The following CEP72 variants were observed in gnomAD, a reference collection of about 807,000 sequenced individuals.
CEP72 encodes the protein centrosomal protein 72.
Under a neutral mutation model 65.7 loss-of-function variants are expected in CEP72, and 78 were observed. The observed-to-expected ratio is 1.19, with a 90% CI of 0.99 to 1.43. The LOEUF is 1.43. Among genes scored for constraint, CEP72 ranks in the 40% most tolerant of loss-of-function variants. The pLI, the probability that CEP72 is intolerant of heterozygous loss-of-function variation, is 0.00. For synonymous variants in CEP72, 358 were observed against 351.7 expected (o/e 1.02, Z -0.20); for missense variants, 914 against 832.9 (o/e 1.10, Z -1.20).
chr5:647,866 G>A lies in CEP72; in HGVS notation c.1728G>A (p.Glu576=), dbSNP rs1224422142. ...GEIVELKQHL[E]HYDKIQELTQ... The stretch of plus-strand genomic sequence containing the variant: ...TTGTGGAACTGAAGCAGCACCTGGA[G>A]CACTACGACAAGATCCAGGAGCTCA... The change falls in exon 11 of 12, where the codon GAG becomes GAA. Residue 576 remains glutamate (E), a synonymous_variant. Transcript: ENST00000264935. 6 of 1,612,576 alleles carry A rather than the reference G, an allele frequency of 3.7e-6. No homozygotes were observed. The highest frequency in any genetic ancestry group is 5.1e-6 in the Non-Finnish European group (6 of 1,179,946).
chr5:659,564 G>GTGGT (rs58223339), downstream of CEP72, among the ~76,000 whole-genome samples: 6,807 of 152,284 alleles, frequency 0.045, 489 homozygotes, highest in African/African-American at 0.15. Context: ...GGGGGCTCTG[G>GTGGT]TGGTGTTCAC....
downstream of CEP72, among the ~76,000 whole-genome samples, chr5:668,752 CG>C (rs1404009792): frequency 2.0e-5 from 3 of 152,232 alleles, no homozygotes; most frequent in East Asian, 5.8e-4. Flanking sequence ...CTGTTCTGCT[CG>C]TAGTCACCAA....
At chr5:644,096 C>A (rs761210150) in intron 9 of CEP72, 3 of 565,112 alleles carry the variant, frequency 5.3e-6, no homozygotes, top group African/African-American at 1.9e-5. Flanking sequence ...TCACTTCCCC[C>A]CTCCCCTGAG....
chr5:628,360 G>A (rs932912655), intron 4 of CEP72, among the ~76,000 whole-genome samples: 1 of 152,246 alleles, frequency 6.6e-6, no homozygotes, highest in African/African-American at 2.4e-5. Flanking sequence ...CTTCAGGGAG[G>A]TCCTGGCCCC....
rs745590069 is a variant in CEP72 at position 653,480 on chromosome 5, A to G, written c.*327A>G. The G allele has an allele frequency of 5.1e-6, 1 of 197,834 alleles. No individual in the cohort carries two copies. Among genetic ancestry groups the G allele is most frequent in the Non-Finnish European group, 1.0e-5 (1 of 98,472 alleles). The allele number at this position is 197,834 out of a possible 1,614,324, so 12.3% of individuals were successfully genotyped here. ...TGCCTGATGTGAAAGAGAGCTATGT[A>G]TGATAATTAAAGAAAATAATTTTCT... On this transcript the variant is annotated 3_prime_UTR_variant, in exon 12 of 12. Coordinates refer to ENST00000264935, the MANE Select transcript of CEP72 (RefSeq NM_018140.4).
Position 647,923 on chromosome 5 carries a change from G to T in CEP72, c.1778+7G>T, listed in dbSNP as rs1215366073. 3 of 1,603,282 alleles carry T rather than the reference G, an allele frequency of 1.9e-6. No individual in the cohort carries two copies. In the Admixed American group the frequency reaches 5.0e-5, roughly 27 times the overall value. On this transcript the variant is annotated splice_region_variant and intron_variant, in intron 11 of 11. Transcript: ENST00000264935. ...TGCTGCAGGAGAGCCACAGGTGCCT[G>T]CCCGTGAGACTTGGGTGGGCCCCCG...
intron 3 of CEP72, among the ~76,000 whole-genome samples, chr5:622,367 A>G (rs760116732): frequency 4.6e-5 from 7 of 152,244 alleles, no homozygotes; most frequent in Admixed American, 2.6e-4. Flanking sequence ...GCAGGAGCTC[A>G]GCTCCCCTGG....
intron 11 of CEP72, among the ~76,000 whole-genome samples, chr5:649,049 G>T (rs1406607547): frequency 2.0e-5 from 3 of 149,370 alleles, no homozygotes; most frequent in South Asian, 4.2e-4. Flanking sequence ...TGACTGTGAG[G>T]TGTGACTGTG....
intron 6 of CEP72, among the ~76,000 whole-genome samples, chr5:637,300 C>G (rs1737674739): frequency 6.6e-6 from 1 of 152,246 alleles, no homozygotes; most frequent in African/African-American, 2.4e-5. Context: ...CAGTATGCCC[C>G]TTTCTTCCCT....
At chr5:657,395 T>C (rs976186331), downstream of CEP72, among the ~76,000 whole-genome samples, 4 of 152,254 alleles carry the variant, frequency 2.6e-5, no homozygotes, top group Non-Finnish European at 4.4e-5. Flanking sequence ...TTTGTAATGC[T>C]GTTCTTGAAA....
intron 2 of CEP72, chr5:663,656 A>G (rs1286827942): frequency 1.3e-5 from 2 of 152,538 alleles, no homozygotes; most frequent in African/African-American, 4.8e-5. Flanking sequence ...CATGCGTGCC[A>G]GTGAGGGAGG....
In CEP72 at chr5:653,362, G is replaced by A. The variant is rs904620379; in HGVS notation, c.*209G>A. 2 of 454,398 alleles carry A rather than the reference G, an allele frequency of 4.4e-6. No homozygotes were observed. Among genetic ancestry groups the A allele is most frequent in the African/African-American group, 2.0e-5 (1 of 50,196 alleles). 28.1% of individuals were successfully genotyped at this position (454,398 alleles called of 1,614,324 possible). ...TATGATTACTCCAAGCCCTCTGCATGTTTTCAGACAGAACACATTGACATA... is the reference window on the plus strand; with the variant it reads ...TATGATTACTCCAAGCCCTCTGCATATTTTCAGACAGAACACATTGACATA... On this transcript the variant is annotated 3_prime_UTR_variant, in exon 12 of 12. Coordinates refer to ENST00000264935, the MANE Select transcript of CEP72 (RefSeq NM_018140.4).
At position 635,529 on chromosome 5, in the gene CEP72, G is replaced by GGAGCC. The variant is rs751648739; in HGVS notation, c.850_854dup (p.Glu286SerfsTer84). On this transcript the variant is annotated frameshift_variant, in exon 6 of 12. Transcript: ENST00000264935. LOFTEE classifies it high-confidence loss of function. ...GAGAGCTTCCGCCACTGTACGGAGCGGAGCCAGAGGCCTCCCGTGCCCCCA... is the reference window on the plus strand; with the variant it reads ...GAGAGCTTCCGCCACTGTACGGAGCGGAGCCGAGCCAGAGGCCTCCCGTGCCCCCA... 42 of 1,613,814 alleles carry GGAGCC rather than the reference G, an allele frequency of 2.6e-5. No homozygotes were observed. The highest frequency in any genetic ancestry group is 3.2e-5 in the Non-Finnish European group (38 of 1,179,936).
chr5:657,523 C>T (rs1472414570), downstream of CEP72, among the ~76,000 whole-genome samples: 2 of 152,200 alleles, frequency 1.3e-5, no homozygotes, highest in African/African-American at 4.8e-5. Context: ...ATGGAACTTG[C>T]TGGTGAAGTC....
chr5:628,782 C>G lies in CEP72; in HGVS notation c.512+4203C>G, dbSNP rs370566904. Reference sequence around the variant, plus strand: ...CCCGGGGAGTGTTCCCACGACCCAGCCCCCTTCTTTGTGCAGCTTCTGGAG... The same window carrying G: ...CCCGGGGAGTGTTCCCACGACCCAGGCCCCTTCTTTGTGCAGCTTCTGGAG... On this transcript the variant is annotated intron_variant, in intron 4 of 11. Coordinates refer to ENST00000264935, the MANE Select transcript of CEP72 (RefSeq NM_018140.4). 1.6e-3 allele frequency among the ~76,000 whole-genome samples: 202 copies of G among 129,728 alleles called. 4 individuals are homozygous for G. Among genetic ancestry groups the G allele is most frequent in the African/African-American group, 4.2e-3 (124 of 29,340 alleles). The allele number at this position is 129,728 out of a possible 152,430, so 85.1% of individuals were successfully genotyped here.
intron 11 of CEP72, among the ~76,000 whole-genome samples, chr5:649,879 GTGAGGTGGGACTGTGAGGTGTGAC>G (rs1738837075): frequency 7.8e-6 from 1 of 127,474 alleles, no homozygotes; most frequent in African/African-American, 2.9e-5. Context: ...GGTGTGGACT[GTGAGGTGGGACTGTGAGGTGTGAC>G]TGAGGTGTGA....
intron 1 of CEP72, among the ~76,000 whole-genome samples, chr5:613,351 T>G (rs545515899): frequency 6.6e-6 from 1 of 150,750 alleles, no homozygotes; most frequent in South Asian, 2.1e-4. Context: ...GAGGCCTCAA[T>G]CCATCTCCCC....
At chr5:619,391 C>T (rs939078155) in intron 2 of CEP72, among the ~76,000 whole-genome samples, 4 of 152,190 alleles carry the variant, frequency 2.6e-5, no homozygotes, top group African/African-American at 4.8e-5. Flanking sequence ...CCTGGGGCTG[C>T]CTCCTGGGCT....
chr5:639,167 C>G lies in CEP72; in HGVS notation c.1285C>G (p.Leu429Val). ...QAALLETLLD[L>V]VDRSWGGCRS... ...GGCGCTCCTGGAGACGCTCTTGGAC[C>G]TGGTGGACAGGAGCTGGGGCGGCTG... The change falls in exon 8 of 12, where the codon CTG becomes GTG. Residue 429 changes from leucine to valine, a missense_variant. Physicochemically the swap from Leu to Val is conservative, Grantham distance 32 (BLOSUM62 1). Transcript: ENST00000264935. 1 of 1,610,886 alleles carries G rather than the reference C, an allele frequency of 6.2e-7. No homozygotes were observed. The highest frequency in any genetic ancestry group is 1.1e-5 in the South Asian group (1 of 90,918).
Sources: gnomAD v4.1 joint callset for allele counts (sites outside exome capture counted in the v4.1 genomes callset) on GRCh38, gnomAD v4.1.1 for gene constraint, MANE v1.5 for transcripts, NCBI Gene and HGNC (gene_info 2026-07-23, HGNC 2026-07-21) for gene names.